TEX14: variants seen among roughly 807,000 people sequenced by gnomAD.
TEX14 encodes testis expressed 14, intercellular bridge forming factor.
Under a neutral mutation model 178.6 loss-of-function variants are expected in TEX14, and 168 were observed. The ratio of observed to expected loss-of-function variants is 0.94; its 90% CI spans 0.83 to 1.07. The LOEUF (loss-of-function observed/expected upper bound fraction) is 1.07, where lower values mean the gene tolerates loss of function less well. TEX14 is among the 50% of genes least tolerant of loss of function. The probability of loss-of-function intolerance (pLI) is 0.00; values close to 1 mark genes in which losing one functional copy is unlikely to be tolerated. For synonymous variants in TEX14, 626 were observed against 634.1 expected, an observed-to-expected ratio of 0.99 and a Z score of 0.19; for missense variants, 1,730 against 1,753.6, an observed-to-expected ratio of 0.99 and a Z score of 0.24.
At chr17:58,603,272 T>C (rs1029239449) in intron 11 of TEX14, among the ~76,000 whole-genome samples, 5 of 147,990 alleles carry the variant, frequency 3.4e-5, no homozygotes, top group Non-Finnish European at 7.5e-5. Context: ...AAGCAGCCCT[T>C]GGCCGGGCGT....
chr17:58,596,188 A>AT (rs369065110), intron 14 of TEX14, among the ~76,000 whole-genome samples: 5 of 151,686 alleles, frequency 3.3e-5, no homozygotes, highest in Admixed American at 1.3e-4. Flanking sequence ...GTCTTTAAAA[A>AT]TTTAAAAAAA....
At chr17:58,636,198 T>G (rs1567750706) in intron 2 of TEX14, among the ~76,000 whole-genome samples, 1 of 152,214 alleles carries the variant, frequency 6.6e-6, no homozygotes, top group South Asian at 2.1e-4. Context: ...AAAAATAACA[T>G]TTATTCATTC....
At chr17:58,671,103 A>G (rs1365198134) in intron 1 of TEX14, among the ~76,000 whole-genome samples, 3 of 151,998 alleles carry the variant, frequency 2.0e-5, no homozygotes, top group Non-Finnish European at 2.9e-5. Flanking sequence ...TCCCATCTCT[A>G]TATTTCTTTG....
chr17:58,577,551 G>A (rs2144383569), intron 20 of TEX14, 95 bp from the exon 21 acceptor site: 2 of 408,684 alleles, frequency 4.9e-6, no homozygotes, highest in Non-Finnish European at 8.0e-6. Context: ...AATGTCCCTT[G>A]GTCTGGTCCA....
intron 1 of TEX14, among the ~76,000 whole-genome samples, chr17:58,652,777 T>C (rs1257337922): frequency 6.6e-6 from 1 of 152,218 alleles, no homozygotes; most frequent in Non-Finnish European, 1.5e-5. Context: ...TATGTAAAGC[T>C]AGATAGTATA....
intron 28 of TEX14, among the ~76,000 whole-genome samples, 197 bp downstream of exon 28, chr17:58,564,670 ATT>A (rs1345442051): frequency 6.6e-6 from 1 of 152,222 alleles, no homozygotes; most frequent in Non-Finnish European, 1.5e-5. Context: ...TGTTATATAC[ATT>A]GTATCACAAT....
intron 15 of TEX14, among the ~76,000 whole-genome samples, 195 bp from the exon 16 acceptor site, chr17:58,588,216 A>G (rs2045029569): frequency 6.6e-6 from 1 of 152,184 alleles, no homozygotes; most frequent in African/African-American, 2.4e-5. Context: ...ATCACAGGTG[A>G]TGGTTCAGGT....
chr17:58,579,942 G>T (rs1368633829), intron 19 of TEX14, among the ~76,000 whole-genome samples: 1 of 152,052 alleles, frequency 6.6e-6, no homozygotes, highest in African/African-American at 2.4e-5. Context: ...ACCTCTCATT[G>T]TGAAGAGGAA....
At chr17:58,584,656 G>A (rs1361558735) in intron 18 of TEX14, 56 bp from the exon 19 acceptor site, 19 of 1,367,292 alleles carry the variant, frequency 1.4e-5, no homozygotes, top group African/African-American at 2.9e-5. Context: ...CAGACAACAT[G>A]GAAGAGGATA....
intron 1 of TEX14, among the ~76,000 whole-genome samples, chr17:58,669,041 T>C (rs2143449922): frequency 6.6e-6 from 1 of 152,230 alleles, no homozygotes; most frequent in East Asian, 1.9e-4. Context: ...TAGGGATACA[T>C]CTGTATTGTG....
In TEX14 at chr17:58,616,217, G is replaced by T; in HGVS notation, c.725C>A (p.Pro242His). ...GGGGCCGCTGAAGAAAGAGAAGGTGGGCTCATCATCAGCTTGAATCACTTC... is the reference window on the plus strand; with the variant it reads ...GGGGCCGCTGAAGAAAGAGAAGGTGTGCTCATCATCAGCTTGAATCACTTC... ...EKEVIQADDE[P>H]TFSFFSGPYM... The change falls in exon 7 of 32, where the codon CCC becomes CAC. Residue 242 changes from proline (P) to histidine (H), a missense_variant. Physicochemically the swap from Pro to His is moderately conservative, Grantham distance 77. This residue lies in a region of TEX14 where 789 missense variants were observed against 681.2 expected (regional missense o/e 1.16). Coordinates refer to ENST00000349033, the MANE Select transcript of TEX14 (RefSeq NM_031272.5). 1 of 1,613,886 alleles carries T rather than the reference G, an allele frequency of 6.2e-7. No individual in the cohort carries two copies. Among genetic ancestry groups the T allele is most frequent in the Non-Finnish European group, 8.5e-7 (1 of 1,179,910 alleles).
intron 1 of TEX14, among the ~76,000 whole-genome samples, chr17:58,668,813 G>A (rs2143447240): frequency 6.6e-6 from 1 of 152,312 alleles, no homozygotes; most frequent in African/African-American, 2.4e-5. Flanking sequence ...AAGGGCTCTA[G>A]TCACCCACCC....
intron 1 of TEX14, among the ~76,000 whole-genome samples, chr17:58,662,699 T>G (rs1340481527): frequency 1.3e-5 from 2 of 152,120 alleles, no homozygotes; most frequent in Admixed American, 6.5e-5. Context: ...CAACCATCAC[T>G]TTGCCTCATG....
At chr17:58,686,816 A>C (rs2047603321) in intron 1 of TEX14, among the ~76,000 whole-genome samples, 2 of 136,962 alleles carry the variant, frequency 1.5e-5, no homozygotes, top group Non-Finnish European at 3.1e-5. Flanking sequence ...AACAACATTG[A>C]CTTCTTTCTC....
chr17:58,604,926 A>C (rs1439784655), intron 11 of TEX14, 52 bp downstream of exon 11: 3 of 1,600,582 alleles, frequency 1.9e-6, no homozygotes, highest in Non-Finnish European at 2.6e-6. Context: ...GGGGGAGAAA[A>C]ATGCAACCTA....
chr17:58,587,806 T>A, intron 16 of TEX14, 90 bp downstream of exon 16: 1 of 1,244,340 alleles, frequency 8.0e-7, no homozygotes, highest in Non-Finnish European at 1.2e-6. Context: ...ATTCCTAGAG[T>A]TGCACTGACC....
intron 6 of TEX14, 60 bp from the exon 7 acceptor site, chr17:58,616,365 A>G (rs1381833118): frequency 6.3e-6 from 10 of 1,578,232 alleles, no homozygotes; most frequent in Non-Finnish European, 8.6e-6. Flanking sequence ...GAATACATCC[A>G]GAATCTTATC....
At chr17:58,604,106 T>G (rs187343505) in intron 11 of TEX14, among the ~76,000 whole-genome samples, 20 of 152,102 alleles carry the variant, frequency 1.3e-4, no homozygotes, top group Admixed American at 1.3e-3. Flanking sequence ...AGGCTAGTCT[T>G]TCCCCCTAAT....
intron 15 of TEX14, among the ~76,000 whole-genome samples, chr17:58,592,409 A>T (rs1250878462): frequency 6.7e-6 from 1 of 149,150 alleles, no homozygotes; most frequent in African/African-American, 2.5e-5. Context: ...ATCTCCTCTC[A>T]CTGCAAGCTC....
Sources: allele counts gnomAD v4.1 joint callset (sites outside exome capture counted in the v4.1 genomes callset), GRCh38; gene constraint gnomAD v4.1.1; regional missense constraint gnomAD v4.1.1; transcripts MANE v1.5; gene names NCBI Gene and HGNC (gene_info 2026-07-23, HGNC 2026-07-21).